Variants in NRXN3 observed in about 807,000 individuals in gnomAD.
The protein encoded by NRXN3 is neurexin III.
A neutral mutation model predicts 137.6 loss-of-function variants in NRXN3; 32 were observed. That is an observed-to-expected ratio of 0.23 (90% CI 0.18 to 0.31). The LOEUF is 0.31. Ranked by LOEUF, NRXN3 falls within the 10% of genes least tolerant of loss-of-function variation. The probability of loss-of-function intolerance (pLI) is 1.00; values close to 1 mark genes in which losing one functional copy is unlikely to be tolerated. For synonymous variants in NRXN3, 798 were observed against 784.5 expected (o/e 1.02, Z -0.29); for missense variants, 1,574 against 2,062.5 (o/e 0.76, Z 4.59).
intron 4 of NRXN3, among the ~76,000 whole-genome samples, chr14:78,329,720 C>T (rs2080554259): frequency 6.6e-6 from 1 of 152,194 alleles, no homozygotes; most frequent in South Asian, 2.1e-4. Flanking sequence ...ATAACTACCT[C>T]TGTCCTTGAG....
intron 10 of NRXN3, among the ~76,000 whole-genome samples, chr14:78,909,510 G>C (rs118110511): frequency 0.017 from 2,525 of 152,186 alleles, 31 homozygotes; most frequent in South Asian, 0.036. Flanking sequence ...GTTCCTTCTT[G>C]TTCTTCTCAT....
chr14:78,408,796 G>A (rs1304747972), intron 4 of NRXN3, among the ~76,000 whole-genome samples: 4 of 152,240 alleles, frequency 2.6e-5, no homozygotes, highest in Admixed American at 1.3e-4. Flanking sequence ...CTGGAGAAAT[G>A]AAGAAACACT....
intron 4 of NRXN3, among the ~76,000 whole-genome samples, chr14:78,299,224 G>A (rs899593914): frequency 9.9e-5 from 15 of 152,198 alleles, no homozygotes; most frequent in African/African-American, 3.4e-4. Flanking sequence ...CTCCAGAAGA[G>A]GCTGAGATGA....
intron 10 of NRXN3, among the ~76,000 whole-genome samples, chr14:78,852,755 A>T (rs2099046011): frequency 6.6e-6 from 1 of 152,184 alleles, no homozygotes; most frequent in Admixed American, 6.5e-5. Flanking sequence ...GAATCTTTCC[A>T]AATCTGAGCT....
intron 15 of NRXN3, among the ~76,000 whole-genome samples, chr14:79,284,472 T>C (rs141348008): frequency 1.0e-3 from 154 of 150,736 alleles, no homozygotes; most frequent in African/African-American, 3.7e-3. Flanking sequence ...GTTTTATATG[T>C]ACCTTAAATG....
chr14:79,173,072 T>A (rs2061945295), intron 15 of NRXN3, among the ~76,000 whole-genome samples: 1 of 152,074 alleles, frequency 6.6e-6, no homozygotes, highest in Admixed American at 6.5e-5. Flanking sequence ...CAGAAATAAA[T>A]TCCAAGTGAA....
At chr14:78,241,059 TCTAA>T (rs1162685209) in intron 1 of NRXN3, among the ~76,000 whole-genome samples, 1 of 152,190 alleles carries the variant, frequency 6.6e-6, no homozygotes, top group Non-Finnish European at 1.5e-5. Flanking sequence ...CTGGTGCATT[TCTAA>T]CTGTTTCTAC....
chr14:78,755,190 ATT>A (rs34214778), intron 8 of NRXN3, among the ~76,000 whole-genome samples: 7,278 of 131,506 alleles, frequency 0.055, 561 homozygotes, highest in African/African-American at 0.18. Flanking sequence ...TAGTTTTTGT[ATT>A]TTTTTTTTTT....
At chr14:78,314,325 A>G (rs560306857) in intron 4 of NRXN3, among the ~76,000 whole-genome samples, 5 of 152,344 alleles carry the variant, frequency 3.3e-5, no homozygotes, top group Admixed American at 3.3e-4. Flanking sequence ...TGCTATGACA[A>G]TTCCCAAATC....
rs1217696433 is a variant in NRXN3 at position 78,797,703 on chromosome 14, G to C, written c.2045-5917G>C. 2.0e-5 allele frequency among the ~76,000 whole-genome samples: 3 copies of C among 152,110 alleles called. No homozygotes were observed. In the South Asian group the frequency reaches 6.2e-4, roughly 32 times the overall value. ...AGTCTGTTCTCATACTACCGATAAA[G>C]GCATACCCGAGACTGGGTGATTGGT... On this transcript the variant is annotated intron_variant, in intron 8 of 20. Coordinates refer to ENST00000335750, the MANE Select transcript of NRXN3 (RefSeq NM_001330195.2).
At chr14:79,003,702 T>A (rs141581948) in intron 15 of NRXN3, among the ~76,000 whole-genome samples, 3 of 152,308 alleles carry the variant, frequency 2.0e-5, no homozygotes, top group African/African-American at 7.2e-5. Flanking sequence ...TGATTGCAGA[T>A]CACTCTCCGG....
At chr14:79,391,954 C>G (rs918356067) in intron 15 of NRXN3, among the ~76,000 whole-genome samples, 1 of 152,130 alleles carries the variant, frequency 6.6e-6, no homozygotes, top group Non-Finnish European at 1.5e-5. Context: ...GGGGGGATTT[C>G]TTCAGTACTC....
chr14:78,847,741 C>CA (rs2099031394), intron 10 of NRXN3, among the ~76,000 whole-genome samples: 4 of 152,036 alleles, frequency 2.6e-5, no homozygotes, highest in Admixed American at 2.6e-4. Flanking sequence ...CCCCCACTAT[C>CA]AAAAATAATC....
At chr14:79,097,194 T>C (rs2050508614) in intron 15 of NRXN3, among the ~76,000 whole-genome samples, 1 of 152,092 alleles carries the variant, frequency 6.6e-6, no homozygotes, top group Non-Finnish European at 1.5e-5. Flanking sequence ...GAGATAGGTC[T>C]TGTAGAAATG....
At chr14:79,410,684 A>G (rs542394351) in intron 15 of NRXN3, among the ~76,000 whole-genome samples, 3 of 152,248 alleles carry the variant, frequency 2.0e-5, no homozygotes, top group Admixed American at 6.5e-5. Flanking sequence ...TTTATGTCCC[A>G]GTAACAATGC....
intron 15 of NRXN3, among the ~76,000 whole-genome samples, chr14:79,414,076 A>G (rs1410211131): frequency 6.6e-6 from 1 of 152,016 alleles, no homozygotes; most frequent in African/African-American, 2.4e-5. Context: ...TAACCTGGAT[A>G]AGAAAATCCA....
chr14:78,243,368 A>G lies in NRXN3; in HGVS notation c.275A>G (p.Asp92Gly), dbSNP rs1443215955. Residue 92 changes from aspartate to glycine, a missense_variant, in exon 2 of 21, where the codon GAC (aspartate) becomes GGC (glycine). Coordinates refer to ENST00000335750, the MANE Select transcript of NRXN3 (RefSeq NM_001330195.2). The surrounding 1 kb of genome is among the most constrained non-coding windows in gnomAD (Gnocchi z 4.2). ...CGCGTTCAGCTCCGCTTCAGCATGG[A>G]CTGTGCCGAGACTGCCGTGCTGTCC... ...DGRVQLRFSM[D>G]CAETAVLSNK... is the part of the protein sequence containing the mutation. 5.1e-6 allele frequency: 8 copies of G among 1,564,086 alleles called. No individual in the cohort carries two copies. Among genetic ancestry groups the G allele is most frequent in the African/African-American group, 1.3e-5 (1 of 74,182 alleles).
chr14:79,707,893 G>A (rs2098787476), intron 19 of NRXN3, among the ~76,000 whole-genome samples: 1 of 152,126 alleles, frequency 6.6e-6, no homozygotes, highest in African/African-American at 2.4e-5. Flanking sequence ...AGACAGCAGC[G>A]ATGCTCTGTA....
At chr14:79,442,289 A>G (rs1292256010) in intron 15 of NRXN3, among the ~76,000 whole-genome samples, 1 of 152,192 alleles carries the variant, frequency 6.6e-6, no homozygotes. Context: ...GTCTCAGGAA[A>G]ACAGAACCAA....
Sources: gnomAD v4.1 joint callset for allele counts (sites outside exome capture counted in the v4.1 genomes callset) on GRCh38, gnomAD v4.1.1 for gene constraint, Gnocchi (gnomAD v3.1) non-coding constraint, MANE v1.5 for transcripts, NCBI Gene and HGNC (gene_info 2026-07-23, HGNC 2026-07-21) for gene names.